RMDN2: variants seen among roughly 807,000 people sequenced by gnomAD.
The protein encoded by RMDN2 is regulator of microtubule dynamics protein 2.
RMDN2 carries 61 observed loss-of-function variants against 52.8 expected under a neutral mutation model. The observed-to-expected ratio is 1.16, with a 90% CI of 0.94 to 1.43. The LOEUF is 1.43. Ranked by LOEUF, RMDN2 falls within the 40% of genes most tolerant of loss-of-function variation. The pLI is 0.00. For synonymous variants in RMDN2, 180 were observed against 153.1 expected (o/e 1.18, Z -1.30); for missense variants, 592 against 475.3 (o/e 1.25, Z -2.28).
chr2:38,049,648 C>G (rs1681471037), intron 10 of RMDN2, among the ~76,000 whole-genome samples: 1 of 152,316 alleles, frequency 6.6e-6, no homozygotes, highest in East Asian at 1.9e-4. Context: ...TCATAGCTTA[C>G]TGCAGCCTCA....
At chr2:38,009,107 A>G (rs1263918898) in intron 10 of RMDN2, among the ~76,000 whole-genome samples, 1 of 152,174 alleles carries the variant, frequency 6.6e-6, no homozygotes, top group African/African-American at 2.4e-5. Context: ...TTTATGGGTA[A>G]CCCGTCCTTT....
chr2:37,941,794 G>A (rs945267055), intron 2 of RMDN2, among the ~76,000 whole-genome samples: 1 of 152,148 alleles, frequency 6.6e-6, no homozygotes, highest in Non-Finnish European at 1.5e-5. Flanking sequence ...TGCTGTCAGC[G>A]AGAATTTCCA....
chr2:37,948,753 C>T (rs1462231824), intron 2 of RMDN2, among the ~76,000 whole-genome samples: 1 of 152,160 alleles, frequency 6.6e-6, no homozygotes, highest in East Asian at 1.9e-4. Flanking sequence ...TCTTCTTCCT[C>T]ATCCCCCAAA....
chr2:37,924,571 T>TG (rs1287307929), upstream of RMDN2, among the ~76,000 whole-genome samples: 2 of 151,970 alleles, frequency 1.3e-5, no homozygotes, highest in Non-Finnish European at 2.9e-5. Context: ...TTCGCCACGT[T>TG]GGCCATACTG....
At chr2:38,046,812 G>A (rs1262396171) in intron 10 of RMDN2, among the ~76,000 whole-genome samples, 12 of 151,992 alleles carry the variant, frequency 7.9e-5, no homozygotes, top group African/African-American at 1.7e-4. Flanking sequence ...GTGAAACCCC[G>A]TCTCTACGAA....
rs1314342446 is a variant in RMDN2 at position 37,963,671 on chromosome 2, A to T, written c.453-10369A>T. Among the ~76,000 whole-genome samples the T allele has an allele frequency of 1.5e-4, 22 of 150,834 alleles. 1 individual carries two copies. In the East Asian group the frequency reaches 4.4e-3, roughly 30 times the overall value. On this transcript the variant is annotated intron_variant, in intron 2 of 10. Transcript: ENST00000354545. The stretch of plus-strand genomic sequence containing the variant: ...ATCAACAGCATCCCAAGGCAGAAGA[A>T]TCTTTCTTAGTACAGAACAAAATGG...
At chr2:38,052,117 A>G (rs1328874127) in intron 10 of RMDN2, among the ~76,000 whole-genome samples, 2 of 152,176 alleles carry the variant, frequency 1.3e-5, no homozygotes, top group African/African-American at 4.8e-5. Flanking sequence ...ATGGCTGTAC[A>G]AATTTACATT....
At chr2:38,010,429 C>A (rs945764956) in intron 10 of RMDN2, among the ~76,000 whole-genome samples, 46 of 152,230 alleles carry the variant, frequency 3.0e-4, no homozygotes, top group African/African-American at 1.1e-3. Flanking sequence ...CCTCCCCCAG[C>A]CTTGCTGCTG....
intron 10 of RMDN2, chr2:38,028,117 A>G (rs1679916353): frequency 6.6e-6 from 1 of 152,210 alleles, no homozygotes; most frequent in South Asian, 2.1e-4. Context: ...ATTGAGCTAA[A>G]ATTATGGGGA....
intron 1 of RMDN2, 112 bp from the exon 2 acceptor site, chr2:37,929,150 T>C: frequency 1.6e-6 from 1 of 642,730 alleles, no homozygotes; most frequent in Admixed American, 3.1e-5. Flanking sequence ...GTCCTACTTT[T>C]TGTAAATCCT....
At chr2:37,959,924 A>G (rs1572810333) in intron 2 of RMDN2, among the ~76,000 whole-genome samples, 2 of 144,606 alleles carry the variant, frequency 1.4e-5, no homozygotes, top group East Asian at 3.9e-4. Context: ...ATTCAGGAGC[A>G]TGTTTTTCCA....
At chr2:38,047,947 T>C (rs1408385827) in intron 10 of RMDN2, among the ~76,000 whole-genome samples, 1 of 152,238 alleles carries the variant, frequency 6.6e-6, no homozygotes, top group African/African-American at 2.4e-5. Context: ...TTGTCTGATA[T>C]TTCTTACCTA....
At chr2:37,974,817 G>A (rs542917269) in intron 3 of RMDN2, 1 of 188,066 alleles carries the variant, frequency 5.3e-6, no homozygotes, top group Non-Finnish European at 1.1e-5. Flanking sequence ...GCTCTTTTGA[G>A]TATATGCATT....
At chr2:38,001,028 T>C (rs1478608287) in intron 8 of RMDN2, among the ~76,000 whole-genome samples, 1 of 152,226 alleles carries the variant, frequency 6.6e-6, no homozygotes, top group African/African-American at 2.4e-5. Flanking sequence ...GGAGACAGGC[T>C]ACCCTGATTG....
intron 2 of RMDN2, among the ~76,000 whole-genome samples, chr2:37,940,183 T>C (rs1667663494): frequency 6.6e-6 from 1 of 152,230 alleles, no homozygotes; most frequent in South Asian, 2.1e-4. Context: ...TGAAAATTCT[T>C]TTCTTTAAGA....
chr2:37,932,630 T>A (rs1423019377), intron 2 of RMDN2, among the ~76,000 whole-genome samples: 1 of 143,942 alleles, frequency 6.9e-6, no homozygotes, highest in East Asian at 2.2e-4. Flanking sequence ...CACTTCCCAG[T>A]AGGGGCGGCC....
chr2:37,923,770 G>C (rs1034199725), upstream of RMDN2, among the ~76,000 whole-genome samples: 1 of 152,038 alleles, frequency 6.6e-6, no homozygotes, highest in African/African-American at 2.4e-5. Context: ...CTTGTTTTTT[G>C]AGACAGAGTC....
intron 2 of RMDN2, among the ~76,000 whole-genome samples, chr2:37,939,035 T>A (rs1372533841): frequency 6.6e-6 from 1 of 152,236 alleles, no homozygotes; most frequent in Non-Finnish European, 1.5e-5. Flanking sequence ...GAGCATTTAG[T>A]GCTATAAATT....
At chr2:37,982,796 C>T (rs143241787) in intron 5 of RMDN2, among the ~76,000 whole-genome samples, 2 of 152,148 alleles carry the variant, frequency 1.3e-5, no homozygotes, top group Non-Finnish European at 2.9e-5. Context: ...TTATGTTAGC[C>T]AGGTTTACCT....
Sources: allele counts gnomAD v4.1 joint callset (sites outside exome capture counted in the v4.1 genomes callset), GRCh38; gene constraint gnomAD v4.1.1; transcripts MANE v1.5; gene names NCBI Gene and HGNC (gene_info 2026-07-23, HGNC 2026-07-21).